The following EXOC6 variants were observed in gnomAD, a reference collection of about 807,000 sequenced individuals.
EXOC6 encodes the protein SEC15-like 1.
EXOC6 carries 60 observed loss-of-function variants against 112.5 expected under a neutral mutation model. That is an observed-to-expected ratio of 0.53 (90% CI 0.43 to 0.66). EXOC6 has a LOEUF of 0.66. Ranked by LOEUF, EXOC6 falls within the 30% of genes least tolerant of loss-of-function variation. The probability of loss-of-function intolerance (pLI) is 0.00; values close to 1 mark genes in which losing one functional copy is unlikely to be tolerated. For missense variants in EXOC6, 855 were observed against 957.1 expected, an observed-to-expected ratio of 0.89 and a Z score of 1.41; for synonymous variants, 295 against 308.0, an observed-to-expected ratio of 0.96 and a Z score of 0.44.
intron 14 of EXOC6, among the ~76,000 whole-genome samples, chr10:92,948,582 T>C (rs910446288): frequency 4.1e-5 from 6 of 148,134 alleles, no homozygotes; most frequent in African/African-American, 1.5e-4. Flanking sequence ...CCACTACTAC[T>C]ACTACTACTA....
chr10:92,839,407 T>G (rs1846765105), intron 1 of EXOC6, among the ~76,000 whole-genome samples: 2 of 152,222 alleles, frequency 1.3e-5, no homozygotes, highest in African/African-American at 4.8e-5. Context: ...ATCAAATTCC[T>G]TGCACAAGGA....
intron 11 of EXOC6, among the ~76,000 whole-genome samples, chr10:92,935,321 G>A (rs1200648618): frequency 6.6e-6 from 1 of 151,846 alleles, no homozygotes; most frequent in Admixed American, 6.6e-5. Context: ...CAAATATGAA[G>A]TCATATTAAA....
intron 7 of EXOC6, 161 bp downstream of exon 7, chr10:92,916,074 T>C (rs1851066345): frequency 2.0e-6 from 1 of 499,404 alleles, no homozygotes; most frequent in Non-Finnish European, 3.4e-6. Flanking sequence ...TTTGACAAAA[T>C]GGAGGCTGAG....
At chr10:93,040,613 C>T (rs1845720427) in intron 20 of EXOC6, among the ~76,000 whole-genome samples, 1 of 152,178 alleles carries the variant, frequency 6.6e-6, no homozygotes, top group African/African-American at 2.4e-5. Flanking sequence ...TCATTTGCAT[C>T]CTTAAAAGAG....
chr10:93,055,137 C>A (rs1043751686), intron 20 of EXOC6, among the ~76,000 whole-genome samples: 2 of 152,136 alleles, frequency 1.3e-5, no homozygotes, highest in African/African-American at 2.4e-5. Flanking sequence ...ACCACCATGC[C>A]CAGCTTATAA....
upstream of EXOC6, among the ~76,000 whole-genome samples, chr10:92,844,477 A>C (rs940603359): frequency 1.3e-5 from 2 of 152,238 alleles, no homozygotes; most frequent in Non-Finnish European, 2.9e-5. Flanking sequence ...GGAACCAAGA[A>C]TCCAACCCAA....
chr10:92,845,842 G>A (rs940256277), upstream of EXOC6, among the ~76,000 whole-genome samples: 3 of 152,102 alleles, frequency 2.0e-5, no homozygotes, highest in African/African-American at 7.2e-5. Flanking sequence ...GGAGGCTGAG[G>A]CAGGAGAATC....
At chr10:92,911,938 CGTGT>C (rs72368133) in intron 6 of EXOC6, among the ~76,000 whole-genome samples, 3,853 of 136,058 alleles carry the variant, frequency 0.028, 96 homozygotes, top group African/African-American at 0.072. Flanking sequence ...TCTCTGTGTG[CGTGT>C]GTGTGTGTGT....
chr10:92,977,831 C>T (rs1355364701), intron 18 of EXOC6, among the ~76,000 whole-genome samples: 1 of 152,164 alleles, frequency 6.6e-6, no homozygotes, highest in African/African-American at 2.4e-5. Flanking sequence ...GTCTCACCTT[C>T]CAAGGTCACC....
At chr10:92,962,485 G>A (rs1211228852) in intron 17 of EXOC6, among the ~76,000 whole-genome samples, 1 of 151,872 alleles carries the variant, frequency 6.6e-6, no homozygotes, top group Non-Finnish European at 1.5e-5. Context: ...AACTTCCTGG[G>A]CTCAAGCAAT....
At chr10:92,861,465 C>T (rs985072604) in intron 1 of EXOC6, among the ~76,000 whole-genome samples, 4 of 152,142 alleles carry the variant, frequency 2.6e-5, no homozygotes, top group Non-Finnish European at 5.9e-5. Flanking sequence ...ATGACATCCT[C>T]CAGGGGCTGG....
chr10:92,939,220 G>A (rs1269969690), intron 12 of EXOC6, among the ~76,000 whole-genome samples: 1 of 152,058 alleles, frequency 6.6e-6, no homozygotes, highest in African/African-American at 2.4e-5. Context: ...GAGAATCTGG[G>A]AAATAGAGAT....
intron 20 of EXOC6, among the ~76,000 whole-genome samples, chr10:93,035,006 A>G (rs1174864889): frequency 1.3e-5 from 2 of 152,244 alleles, no homozygotes; most frequent in African/African-American, 4.8e-5. Flanking sequence ...TTTTTTCCTC[A>G]GACAATCCTA....
intron 13 of EXOC6, among the ~76,000 whole-genome samples, chr10:92,946,829 C>T (rs545010922): frequency 6.6e-6 from 1 of 152,164 alleles, no homozygotes; most frequent in Non-Finnish European, 1.5e-5. Flanking sequence ...TGTAAAGACC[C>T]TACAGGACTA....
At chr10:93,026,547 T>G (rs1330690047) in intron 20 of EXOC6, among the ~76,000 whole-genome samples, 1 of 152,236 alleles carries the variant, frequency 6.6e-6, no homozygotes, top group Non-Finnish European at 1.5e-5. Flanking sequence ...TTTGTGATAC[T>G]GCTGCATCCT....
chr10:92,888,522 A>G (rs1237652406), intron 1 of EXOC6, among the ~76,000 whole-genome samples: 2 of 152,180 alleles, frequency 1.3e-5, no homozygotes, highest in Non-Finnish European at 1.5e-5. Flanking sequence ...ATATCCACAA[A>G]AGCAGTCAAA....
At chr10:92,898,421 C>G (rs1589790598) in intron 4 of EXOC6, among the ~76,000 whole-genome samples, 1 of 110,284 alleles carries the variant, frequency 9.1e-6, no homozygotes, top group Non-Finnish European at 1.8e-5. Flanking sequence ...CAGAGTGAGA[C>G]CTTGTCTCAA....
chr10:93,037,857 G>A (rs1845582269), intron 20 of EXOC6, among the ~76,000 whole-genome samples: 10 of 150,500 alleles, frequency 6.6e-5, no homozygotes, highest in Admixed American at 6.6e-4. Context: ...CGAGACCACG[G>A]TGAAACCCCG....
At chr10:92,975,542 A>G (rs1390228106) in intron 18 of EXOC6, among the ~76,000 whole-genome samples, 1 of 134,962 alleles carries the variant, frequency 7.4e-6, no homozygotes, top group Admixed American at 7.2e-5. Context: ...TCAGCCCCCC[A>G]GCCGCCCCGT....
Sources: gnomAD v4.1 joint callset for allele counts (sites outside exome capture counted in the v4.1 genomes callset) on GRCh38, gnomAD v4.1.1 for gene constraint, MANE v1.5 for transcripts, NCBI Gene and HGNC (gene_info 2026-07-23, HGNC 2026-07-21) for gene names.